The following GRID1 variants were observed in gnomAD, a reference collection of about 807,000 sequenced individuals.
GRID1 encodes glutamate receptor ionotropic, delta-1.
GRID1 carries 28 observed loss-of-function variants against 98.0 expected under a neutral mutation model. The ratio of observed to expected loss-of-function variants is 0.29; its 90% CI spans 0.21 to 0.39. GRID1 has a LOEUF of 0.39. Among genes scored for constraint, GRID1 ranks in the 10% least tolerant of loss-of-function variants. The pLI is 1.00. For missense variants in GRID1, 1,111 were observed against 1,340.5 expected (o/e 0.83, Z 2.67); for synonymous variants, 553 against 538.5 (o/e 1.03, Z -0.37).
At chr10:86,279,318 C>G (rs900815934) in intron 2 of GRID1, among the ~76,000 whole-genome samples, 1 of 152,160 alleles carries the variant, frequency 6.6e-6, no homozygotes, top group African/African-American at 2.4e-5. Context: ...GTTGACAGTA[C>G]TTTGTTATAG....
chr10:86,108,925 G>A (rs1291775583), intron 4 of GRID1, among the ~76,000 whole-genome samples: 3 of 151,950 alleles, frequency 2.0e-5, no homozygotes, highest in African/African-American at 4.8e-5. Flanking sequence ...CACCCTGTCC[G>A]GCTTCCCTCT....
At chr10:85,904,089 T>A (rs28376465) in intron 5 of GRID1, among the ~76,000 whole-genome samples, 6,810 of 152,292 alleles carry the variant, frequency 0.045, 393 homozygotes, top group African/African-American at 0.14. Context: ...TATCTGGTCA[T>A]CTGTCTTGCC....
chr10:86,214,086 T>TTCTAC (rs1350700778), intron 2 of GRID1, among the ~76,000 whole-genome samples: 1 of 152,148 alleles, frequency 6.6e-6, no homozygotes, highest in East Asian at 1.9e-4. Context: ...ACACTGTCCA[T>TTCTAC]TCTACACACT....
chr10:85,793,164 G>A (rs1161405967), intron 8 of GRID1, among the ~76,000 whole-genome samples: 3 of 152,106 alleles, frequency 2.0e-5, no homozygotes, highest in Non-Finnish European at 2.9e-5. Flanking sequence ...AGGGTTCCAT[G>A]ATCCAGCCAT....
chr10:85,633,595 T>C (rs1464945908), intron 13 of GRID1, among the ~76,000 whole-genome samples: 1 of 152,156 alleles, frequency 6.6e-6, no homozygotes, highest in Non-Finnish European at 1.5e-5. Context: ...GCTATCCCAA[T>C]TAATATTAAC....
At chr10:85,720,442 T>C (rs1055530951) in intron 12 of GRID1, among the ~76,000 whole-genome samples, 2 of 152,108 alleles carry the variant, frequency 1.3e-5, no homozygotes, top group African/African-American at 4.8e-5. Context: ...ATAGCTACTG[T>C]AATCATGATA....
chr10:85,634,358 T>A (rs1016278613), intron 13 of GRID1, among the ~76,000 whole-genome samples: 2 of 150,794 alleles, frequency 1.3e-5, no homozygotes, highest in African/African-American at 2.4e-5. Context: ...AATCTTAATA[T>A]CCTCATGTTG....
intron 8 of GRID1, among the ~76,000 whole-genome samples, chr10:85,810,015 A>C (rs1349461217): frequency 6.6e-6 from 1 of 151,936 alleles, no homozygotes; most frequent in African/African-American, 2.4e-5. Flanking sequence ...CCAATTACCC[A>C]AGCTGCTGGG....
intron 12 of GRID1, among the ~76,000 whole-genome samples, chr10:85,677,371 C>T (rs1841156437): frequency 6.6e-6 from 1 of 152,102 alleles, no homozygotes; most frequent in African/African-American, 2.4e-5. Context: ...CCTTGTGATT[C>T]AGTTGAGGGG....
chr10:85,863,731 G>A (rs558028073), intron 6 of GRID1, among the ~76,000 whole-genome samples: 14 of 152,344 alleles, frequency 9.2e-5, no homozygotes, highest in African/African-American at 3.4e-4. Flanking sequence ...CTGGAGGACA[G>A]GAGGGTGTGC....
rs559310132 is a variant in GRID1 at position 85,626,969 on chromosome 10, C to T, written c.2194-6936G>A. Among the ~76,000 whole-genome samples, 6 of 152,118 alleles carry T rather than the reference C, an allele frequency of 3.9e-5. No homozygotes were observed. In the South Asian group the frequency reaches 1.0e-3, roughly 26 times the overall value. The stretch of plus-strand genomic sequence containing the variant: ...TTATCCTAAGGAATTATTCAATTTT[C>T]AAAAAATGTTTGCATAGAGATTTTT... On this transcript the variant is annotated intron_variant, in intron 13 of 15. Transcript: ENST00000327946.
intron 12 of GRID1, among the ~76,000 whole-genome samples, chr10:85,666,084 C>T (rs1056856028): frequency 2.6e-5 from 4 of 152,330 alleles, no homozygotes; most frequent in African/African-American, 4.8e-5. Flanking sequence ...TAAAGAACTA[C>T]ACCACCACTT....
At chr10:85,958,774 A>G (rs982858414) in intron 4 of GRID1, among the ~76,000 whole-genome samples, 8 of 152,000 alleles carry the variant, frequency 5.3e-5, no homozygotes, top group Admixed American at 2.0e-4. Flanking sequence ...CCTGACCAAC[A>G]TGGAGAAACC....
intron 2 of GRID1, among the ~76,000 whole-genome samples, chr10:86,347,935 CCT>C (rs1564745411): frequency 6.6e-6 from 1 of 152,156 alleles, no homozygotes; most frequent in African/African-American, 2.4e-5. Flanking sequence ...GGCAGAAACC[CCT>C]ATGTGCCACA....
intron 4 of GRID1, among the ~76,000 whole-genome samples, chr10:85,969,316 T>C (rs1490206312): frequency 1.3e-5 from 2 of 152,100 alleles, no homozygotes; most frequent in Non-Finnish European, 2.9e-5. Context: ...AGGAAACAGC[T>C]TGAAAAATGC....
chr10:85,724,659 G>A lies in GRID1; in HGVS notation c.1551C>T (p.Ile517=). ...TCTCTGGGGTGATGGTGATGGCAGAGATGGCCAAGTCTGCTCTCTGAAAGG... is the reference window on the plus strand; with the variant it reads ...TCTCTGGGGTGATGGTGATGGCAGAAATGGCCAAGTCTGCTCTCTGAAAGG... The part of the protein sequence containing the change: ...ELISKRADLA[I]SAITITPERE... Residue 517 remains isoleucine (I), a synonymous_variant, in exon 11 of 16, where the codon ATC becomes ATT. Coordinates refer to ENST00000327946, the MANE Select transcript of GRID1 (RefSeq NM_017551.3). The A allele has an allele frequency of 6.2e-7, 1 of 1,610,334 alleles. No homozygotes were observed. The highest frequency in any genetic ancestry group is 8.5e-7 in the Non-Finnish European group (1 of 1,178,296).
chr10:86,307,037 C>G (rs1847767904), intron 2 of GRID1, among the ~76,000 whole-genome samples: 1 of 152,058 alleles, frequency 6.6e-6, no homozygotes, highest in African/African-American at 2.4e-5. Context: ...CAGATGATGA[C>G]AAGTATTGGT....
At chr10:85,763,689 C>T (rs1351910426) in intron 8 of GRID1, among the ~76,000 whole-genome samples, 1 of 152,198 alleles carries the variant, frequency 6.6e-6, no homozygotes, top group Non-Finnish European at 1.5e-5. Flanking sequence ...TATTTTTAAG[C>T]AGTGTCCTCT....
intron 2 of GRID1, among the ~76,000 whole-genome samples, chr10:86,320,094 C>T (rs767830217): frequency 1.5e-4 from 23 of 152,322 alleles, no homozygotes; most frequent in Non-Finnish European, 3.1e-4. Flanking sequence ...GCCGGCAGAG[C>T]GCGAAAACTC....
Sources: allele counts gnomAD v4.1 joint callset (sites outside exome capture counted in the v4.1 genomes callset), GRCh38; gene constraint gnomAD v4.1.1; transcripts MANE v1.5; gene names NCBI Gene and HGNC (gene_info 2026-07-23, HGNC 2026-07-21).